The following TTN variants were observed in gnomAD, a reference collection of about 807,000 sequenced individuals.
TTN encodes the protein titin, also known as connectin.
TTN carries 1,525 observed loss-of-function variants against 3,223.0 expected under a neutral mutation model. That is an observed-to-expected ratio of 0.47 (90% confidence interval 0.45 to 0.49). The LOEUF is 0.49. TTN is among the 20% of genes least tolerant of loss of function. The probability of loss-of-function intolerance (pLI) is 0.00; values close to 1 mark genes in which losing one functional copy is unlikely to be tolerated. For synonymous variants in TTN, 14,094 were observed against 15,161.0 expected (o/e 0.93, Z 5.17); for missense variants, 40,786 against 43,424.0 (o/e 0.94, Z 5.40).
rs768156757 is a variant in TTN at position 178,785,923 on chromosome 2, C to A, written c.2295G>T (p.Lys765Asn). 2 of 1,614,084 alleles carry A rather than the reference C, an allele frequency of 1.2e-6. No individual in the cohort carries two copies. Among genetic ancestry groups the A allele is most frequent in the South Asian group, 2.2e-5 (2 of 91,080 alleles). Residue 765 changes from lysine (K) to asparagine (N), a missense_variant, in exon 14 of 363, where the codon AAG becomes AAT. Lys to Asn is a moderately conservative substitution (Grantham distance 94). Transcript: ENST00000589042. ...SEPHVVPKAVKPRVIQAPSET... is the reference protein window; with the variant it reads ...SEPHVVPKAVNPRVIQAPSET... ...CAGAAGGAGCCTGGATTACTCTAGG[C>A]TTGACTGCTTTAGGGACAACGTGGG... is the stretch of plus-strand genomic sequence containing the variant.
At chr2:178,633,114 A>G (rs770661693) in intron 233 of TTN, 70 bp from the exon 234 acceptor site, 5 of 1,599,214 alleles carry the variant, frequency 3.1e-6, no homozygotes, top group Non-Finnish European at 4.3e-6. Flanking sequence ...AATCATCAAG[A>G]TATTTTATGC....
At position 178,776,601 on chromosome 2, in the gene TTN, T is replaced by G. The variant is rs559024675; in HGVS notation, c.5263A>C (p.Asn1755His). Residue 1755 changes from asparagine to histidine, a missense_variant, in exon 28 of 363, where the codon AAT (asparagine) becomes CAT (histidine). By Grantham distance (68) the Asn-to-His change is moderately conservative. Transcript: ENST00000589042. Reference protein sequence around the residue: ...LEAANRLRMINEFGYCSLDYG... With the variant: ...LEAANRLRMIHEFGYCSLDYG... ...TCAAGGCTGCAGTACCCAAATTCAT[T>G]GATCATACGGAGCCTGTTGGCTGCT... The G allele has an allele frequency of 6.2e-7, 1 of 1,614,064 alleles. No individual in the cohort carries two copies. Among genetic ancestry groups the G allele is most frequent in the Non-Finnish European group, 8.5e-7 (1 of 1,180,010 alleles).
chr2:178,684,175 A>G, intron 132 of TTN, 93 bp from the exon 133 acceptor site: 13 of 1,418,352 alleles, frequency 9.2e-6, no homozygotes, highest in Non-Finnish European at 1.3e-5. Flanking sequence ...TAAACACTTG[A>G]CATTTTCATT....
chr2:178,782,145 T>A (rs2092835715), intron 20 of TTN, 67 bp downstream of exon 20: 2 of 1,585,492 alleles, frequency 1.3e-6, no homozygotes, highest in Admixed American at 1.7e-5. Flanking sequence ...GTGAGTAAAT[T>A]CTACTCTAGG....
chr2:178,554,528 G>A lies in TTN; in HGVS notation c.88819C>T (p.Arg29607Trp), dbSNP rs781330566. ...KIIKGNEYIF[R>W]VRAVNKYGIG... ...CCATATTTGTTCACGGCTCGGACCCGGAAGATGTATTCATTTCCTTTGATA... is the reference window on the plus strand; with the variant it reads ...CCATATTTGTTCACGGCTCGGACCCAGAAGATGTATTCATTTCCTTTGATA... The change falls in exon 332 of 363, where the codon CGG (arginine) becomes TGG (tryptophan). Residue 29607 changes from arginine to tryptophan, a missense_variant. Coordinates refer to ENST00000589042, the MANE Select transcript of TTN (RefSeq NM_001267550.2). 19 of 1,613,388 alleles carry A rather than the reference G, an allele frequency of 1.2e-5. No individual in the cohort carries two copies. The highest frequency in any genetic ancestry group is 4.5e-5 in the East Asian group (2 of 44,756).
At position 178,766,551 on chromosome 2, in the gene TTN, T is replaced by A. The variant is rs1334781459; in HGVS notation, c.9533A>T (p.His3178Leu). ...GATTTCAATGCCATCTTTATACCAG[T>A]GGGCATCAACATCGTCTTCATTGAC... The part of the protein sequence containing the change: ...FEVNEDDVDA[H>L]WYKDGIEINF... The change falls in exon 41 of 363, where the codon CAC (histidine) becomes CTC (leucine). Residue 3178 changes from histidine to leucine, a missense_variant. By Grantham distance (99) the His-to-Leu change is moderately conservative (BLOSUM62 -3). Transcript: ENST00000589042. 7 of 1,614,076 alleles carry A rather than the reference T, an allele frequency of 4.3e-6. No individual in the cohort carries two copies. The highest frequency in any genetic ancestry group is 5.1e-6 in the Non-Finnish European group (6 of 1,179,994).
rs756544826 is a variant in TTN, at chr2:178,563,577, A to T, written c.82555T>A (p.Cys27519Ser). 2 of 1,613,768 alleles carry T rather than the reference A, an allele frequency of 1.2e-6. No homozygotes were observed. Residue 27519 changes from cysteine (C) to serine (S), a missense_variant, in exon 326 of 363, where the codon TGC becomes AGC. Cys to Ser is a moderately radical substitution (Grantham distance 112, BLOSUM62 -1). Coordinates refer to ENST00000589042, the MANE Select transcript of TTN (RefSeq NM_001267550.2). This position sits in a 1 kb window ranked among gnomAD's most constrained non-coding sequence, Gnocchi z 4.5. ...AGATCCGTTAATGTTTTCTTGTTGC[A>T]CTTGGTCCATCTAACGCCTTCCTTA... ...RDKEGVRWTK[C>S]NKKTLTDLRL... is the part of the protein sequence containing the mutation.
rs760115243 is a variant in TTN, at chr2:178,611,242, C to T, written c.50887G>A (p.Asp16963Asn). The T allele has an allele frequency of 1.2e-6, 2 of 1,612,402 alleles. No individual in the cohort carries two copies. The highest frequency in any genetic ancestry group is 2.2e-5 in the South Asian group (2 of 90,992). Residue 16963 changes from aspartate (D) to asparagine (N), a missense_variant, in exon 270 of 363, where the codon GAC (aspartate) becomes AAC (asparagine). Transcript: ENST00000589042. ...TTTTCACCTTCAATAACAATAATGT[C>T]ATGAGTCTCCAGGTCAATTGTTGGC... ...CKPTIDLETH[D>N]IIVIEGEKLS...
intron 272 of TTN, 30 bp downstream of exon 272, chr2:178,609,654 A>AAAGT: frequency 6.4e-7 from 1 of 1,553,678 alleles, no homozygotes. Context: ...TCAAAATGGG[A>AAAGT]AAGTGGCAAC....
intron 13 of TTN, 95 bp downstream of exon 13, chr2:178,789,265 C>A: frequency 1.3e-6 from 2 of 1,522,222 alleles, no homozygotes; most frequent in Non-Finnish European, 1.8e-6. Context: ...AATTCAGAGA[C>A]TTGATATTAA....
chr2:178,608,081 G>T lies in TTN; in HGVS notation c.52706C>A (p.Ser17569Tyr), dbSNP rs756689649. 16 of 1,611,486 alleles carry T rather than the reference G, an allele frequency of 9.9e-6. No homozygotes were observed. The highest frequency in any genetic ancestry group is 3.3e-5 in the Admixed American group (2 of 59,716). Reference protein sequence around the residue: ...SDPKTAHDPISPPGPPIPRVT... With the variant: ...SDPKTAHDPIYPPGPPIPRVT... ...TCTTGGGATAGGTGGCCCAGGAGGA[G>T]CTAGAATGAATGAAGATAGACAAAT... is the stretch of plus-strand genomic sequence containing the variant. The change falls in exon 276 of 363, where the codon TCT becomes TAT. Residue 17569 changes from serine (S) to tyrosine (Y), a missense_variant and splice_region_variant. Physicochemically the swap from Ser to Tyr is moderately radical, Grantham distance 144. Transcript: ENST00000589042.
intron 55 of TTN, 40 bp from the exon 56 acceptor site, chr2:178,732,758 AG>A: frequency 6.4e-7 from 1 of 1,563,340 alleles, no homozygotes; most frequent in Non-Finnish European, 8.6e-7. Context: ...AAGAGTTAAG[AG>A]GGTTGATCTA....
At chr2:178,643,989 A>G (rs1356013520) in intron 218 of TTN, among the ~76,000 whole-genome samples, 3 of 151,982 alleles carry the variant, frequency 2.0e-5, no homozygotes, top group Non-Finnish European at 2.9e-5. Flanking sequence ...GTTTACAGAA[A>G]AATACATTTT....
At position 178,776,945 on chromosome 2, in the gene TTN, G is replaced by A. The variant is rs1176072451; in HGVS notation, c.4919C>T (p.Thr1640Ile). The A allele has an allele frequency of 6.2e-7, 1 of 1,613,628 alleles. No homozygotes were observed. The change falls in exon 28 of 363, where the codon ACT becomes ATT. Residue 1640 changes from threonine (T) to isoleucine (I), a missense_variant. By Grantham distance (89) the Thr-to-Ile change is moderately conservative. Transcript: ENST00000589042. The stretch of plus-strand genomic sequence containing the variant: ...TTCAACATTTACTTTGCATCTTGTA[G>A]TGTCTCTGCCAGCTTTATTAATAGC... ...ATAINKAGRDTTRCKVNVEVE... is the reference protein window; with the variant it reads ...ATAINKAGRDITRCKVNVEVE...
chr2:178,625,334 ATCT>A lies in TTN; in HGVS notation c.44484_44486del (p.Glu14828del), dbSNP rs727505315. ...TTGCTGTTAGTTGGACTTCCCCAGC[ATCT>A]TCTAACTTTACATCCCTCAGAGTAA... On this transcript the variant is annotated inframe_deletion, in exon 241 of 363. Coordinates refer to ENST00000589042, the MANE Select transcript of TTN (RefSeq NM_001267550.2). 2.0e-4 allele frequency: 326 copies of A among 1,603,916 alleles called. No homozygotes were observed. Among genetic ancestry groups the A allele is most frequent in the Non-Finnish European group, 2.6e-4 (302 of 1,175,632 alleles).
chr2:178,669,076 A>C lies in TTN; in HGVS notation c.35545+297T>G, dbSNP rs539962349. 1.1e-4 allele frequency among the ~76,000 whole-genome samples: 17 copies of C among 152,306 alleles called. No homozygotes were observed. In the East Asian group the frequency reaches 3.3e-3, roughly 29 times the overall value. On this transcript the variant is annotated intron_variant, in intron 159 of 362. Coordinates refer to ENST00000589042, the MANE Select transcript of TTN (RefSeq NM_001267550.2). ...AGTTACTTCATGATCTGAGAAAATA[A>C]ATTGCTTCAAAGCAAAAGACACTTG...
At position 178,533,118 on chromosome 2, in the gene TTN, A is replaced by G; in HGVS notation, c.103497T>C (p.Ala34499=). 6.2e-7 allele frequency: 1 copy of G among 1,613,938 alleles called. No individual in the cohort carries two copies. The highest frequency in any genetic ancestry group is 1.1e-5 in the South Asian group (1 of 91,076). Residue 34499 remains alanine (A), a synonymous_variant, in exon 358 of 363, where the codon GCT becomes GCC. Transcript: ENST00000589042. The part of the protein sequence containing the change: ...GTESVPLTQV[A]KEALREAAVL... ...CAGCAGCTTCTCTCAGAGCCTCTTT[A>G]GCTACCTGTGTCAGTGGTACACTTT...
intron 48 of TTN, 76 bp from the exon 49 acceptor site, chr2:178,738,436 G>C (rs1194222834): frequency 6.7e-7 from 1 of 1,482,978 alleles, no homozygotes; most frequent in East Asian, 2.4e-5. Context: ...TCTAACTTTT[G>C]TTGCTGTTAA....
intron 144 of TTN, 90 bp downstream of exon 144, chr2:178,678,324 A>C: frequency 6.6e-7 from 1 of 1,509,856 alleles, no homozygotes; most frequent in Admixed American, 2.1e-5. Context: ...GACACTTTAA[A>C]AATGTACAAT....
Sources: allele counts gnomAD v4.1 joint callset (sites outside exome capture counted in the v4.1 genomes callset), GRCh38; gene constraint gnomAD v4.1.1; non-coding constraint Gnocchi (gnomAD v3.1); transcripts MANE v1.5; gene names NCBI Gene and HGNC (gene_info 2026-07-23, HGNC 2026-07-21).